The following IFI44 variants were observed in gnomAD, a reference collection of about 807,000 sequenced individuals.
The protein encoded by IFI44 is interferon-induced protein 44.
In IFI44, 42 loss-of-function variants were observed where a neutral mutation model predicts 45.0. That is an observed-to-expected ratio of 0.93 (90% CI 0.73 to 1.21). The LOEUF (loss-of-function observed/expected upper bound fraction) is 1.21, where lower values mean the gene tolerates loss of function less well. Among genes scored for constraint, IFI44 ranks in the 50% most tolerant of loss-of-function variants. The pLI is 0.00. For synonymous variants in IFI44, 221 were observed against 188.6 expected (o/e 1.17, Z -1.41); for missense variants, 623 against 525.8 (o/e 1.18, Z -1.81).
chr1:78,659,019 C>T (rs112200023), intron 5 of IFI44, among the ~76,000 whole-genome samples: 1 of 151,912 alleles, frequency 6.6e-6, no homozygotes, highest in Non-Finnish European at 1.5e-5. Context: ...CAGATTGCCT[C>T]TCTTATCTAG....
intron 2 of IFI44, among the ~76,000 whole-genome samples, chr1:78,654,027 A>G (rs898924750): frequency 6.6e-6 from 1 of 152,200 alleles, no homozygotes; most frequent in Non-Finnish European, 1.5e-5. Context: ...CAGAGGGTCT[A>G]CTTACCTCTA....
Position 78,655,131 on chromosome 1 carries a change from C to T in IFI44, c.612C>T (p.Asn204=). The T allele has an allele frequency of 6.2e-7, 1 of 1,613,946 alleles. No homozygotes were observed. The highest frequency in any genetic ancestry group is 8.5e-7 in the Non-Finnish European group (1 of 1,179,888). ...GAGCTGGGAAGTCCAGCTTTTTCAA[C>T]TCAGTGAGGTCTGTTTTCCAAGGGC... The part of the protein sequence containing the change: ...PIGAGKSSFF[N]SVRSVFQGHV... Residue 204 remains asparagine, a synonymous_variant, in exon 4 of 9, where the codon AAC becomes AAT. Coordinates refer to ENST00000370747, the MANE Select transcript of IFI44 (RefSeq NM_006417.5).
At chr1:78,662,275 C>T (rs1045055965) in intron 7 of IFI44, among the ~76,000 whole-genome samples, 20 of 152,278 alleles carry the variant, frequency 1.3e-4, no homozygotes, top group African/African-American at 3.8e-4. Context: ...ACAGAGTAAA[C>T]ATCTGCCAAC....
At chr1:78,663,051 CT>C in intron 8 of IFI44, 173 bp downstream of exon 8, 1 of 1,465,278 alleles carries the variant, frequency 6.8e-7, no homozygotes, top group Non-Finnish European at 9.0e-7. Flanking sequence ...GCATTTCCCT[CT>C]TTTCCTGGAG....
Position 78,650,186 on chromosome 1 carries a change from A to G in IFI44, c.-10A>G, listed in dbSNP as rs1647097983. On this transcript the variant is annotated splice_region_variant and 5_prime_UTR_variant, in exon 2 of 9. Coordinates refer to ENST00000370747, the MANE Select transcript of IFI44 (RefSeq NM_006417.5). ...GAAAATATATATGATTTGCCACTAG[A>G]TCAAGAAGTATGGCAGTGACAACTC... The G allele has an allele frequency of 6.3e-7, 1 of 1,584,712 alleles. No individual in the cohort carries two copies. Among genetic ancestry groups the G allele is most frequent in the Non-Finnish European group, 8.6e-7 (1 of 1,160,676 alleles).
At position 78,663,762 on chromosome 1, in the gene IFI44, C is replaced by A; in HGVS notation, c.1289-3C>A. On this transcript the variant is annotated splice_polypyrimidine_tract_variant and splice_region_variant and intron_variant, in intron 8 of 8. Transcript: ENST00000370747. ...TAAGAATATTTTGTGTTTCTTTTCTCAGGGAATCTAAGGGAGGAAATTATC... is the reference window on the plus strand; with the variant it reads ...TAAGAATATTTTGTGTTTCTTTTCTAAGGGAATCTAAGGGAGGAAATTATC... The A allele has an allele frequency of 1.2e-6, 2 of 1,611,340 alleles. No individual in the cohort carries two copies. Among genetic ancestry groups the A allele is most frequent in the South Asian group, 1.1e-5 (1 of 90,608 alleles).
At chr1:78,663,324 C>T (rs888752513) in intron 8 of IFI44, 1 of 985,046 alleles carries the variant, frequency 1.0e-6, no homozygotes, top group African/African-American at 1.7e-5. Context: ...TTGTTTCTTT[C>T]CTTCATCTTA....
intron 2 of IFI44, among the ~76,000 whole-genome samples, chr1:78,650,887 A>G (rs1647113570): frequency 6.6e-6 from 1 of 152,240 alleles, no homozygotes; most frequent in African/African-American, 2.4e-5. Context: ...TAAGTACAGT[A>G]AATCTTCTGT....
chr1:78,654,316 A>G, intron 3 of IFI44, 37 bp downstream of exon 3: 2 of 1,106,238 alleles, frequency 1.8e-6, no homozygotes, highest in Non-Finnish European at 2.8e-6. Flanking sequence ...TACTCTCTTC[A>G]TTATCTTTGA....
In IFI44 at chr1:78,663,897, T is replaced by G; in HGVS notation, c.*86T>G. On this transcript the variant is annotated 3_prime_UTR_variant, in exon 9 of 9. Transcript: ENST00000370747. ...AAAACACAGACCAAAGAGAAGTATC[T>G]AAGACCAAAGGGATGTGTTTTATTA... 7.7e-7 allele frequency: 1 copy of G among 1,301,770 alleles called. No homozygotes were observed. Among genetic ancestry groups the G allele is most frequent in the Non-Finnish European group, 1.1e-6 (1 of 934,788 alleles). The allele number at this position is 1,301,770 out of a possible 1,614,324, so 80.6% of individuals were successfully genotyped here. A position where few individuals can be genotyped will look rare whatever the true frequency, so the allele number is the denominator to read the frequency against.
intron 8 of IFI44, 64 bp from the exon 9 acceptor site, chr1:78,663,701 C>T: frequency 1.3e-6 from 2 of 1,590,578 alleles, no homozygotes; most frequent in South Asian, 1.1e-5. Flanking sequence ...TCCAATATTC[C>T]TCTTCCCTCT....
chr1:78,650,324 A>ATGT lies in IFI44; in HGVS notation c.133_135dup (p.Cys45dup), dbSNP rs1647101671. 1 of 1,614,078 alleles carries ATGT rather than the reference A, an allele frequency of 6.2e-7. No homozygotes were observed. Among genetic ancestry groups the ATGT allele is most frequent in the Admixed American group, 1.7e-5 (1 of 60,024 alleles). ...TCCGTAATGGAGTTTTGCTTGACAG[A>ATGT]TGTTGTAATCAAGGGCCTACTCTAA... On this transcript the variant is annotated inframe_insertion, in exon 2 of 9. Transcript: ENST00000370747.
intron 7 of IFI44, chr1:78,662,481 T>A: frequency 4.1e-6 from 2 of 482,088 alleles, no homozygotes; most frequent in South Asian, 5.8e-5. Context: ...TGTTTCTAAA[T>A]CATTTAGAAT....
At chr1:78,660,414 G>C (rs116133155) in intron 6 of IFI44, 140 bp from the exon 7 acceptor site, 200 of 604,184 alleles carry the variant, frequency 3.3e-4, no homozygotes, top group African/African-American at 3.3e-3. Context: ...GTTTTTTGGG[G>C]AGATGAGGGT....
Position 78,655,464 on chromosome 1 carries a change from G to A in IFI44, c.793G>A (p.Asp265Asn), listed in dbSNP as rs1439745907. 6.2e-7 allele frequency: 1 copy of A among 1,613,812 alleles called. No homozygotes were observed. The highest frequency in any genetic ancestry group is 1.1e-5 in the South Asian group (1 of 91,056). The change falls in exon 5 of 9, where the codon GAT (aspartate) becomes AAT (asparagine). Residue 265 changes from aspartate (D) to asparagine (N), a missense_variant. By Grantham distance (23) the Asp-to-Asn change is conservative. Coordinates refer to ENST00000370747, the MANE Select transcript of IFI44 (RefSeq NM_006417.5). ...TGAGAAAGAAGGCGGCCTGTGCAGG[G>A]ATGACATATTCTATATCTTGAACGG... ...LSEKEGGLCR[D>N]DIFYILNGNI...
At chr1:78,655,628 A>ATT in intron 5 of IFI44, 117 bp downstream of exon 5, 5 of 908,458 alleles carry the variant, frequency 5.5e-6, no homozygotes, top group Non-Finnish European at 6.3e-6. Flanking sequence ...TCTCTTTTAG[A>ATT]TTTTTTTTTT....
chr1:78,663,282 C>T, intron 8 of IFI44: 2 of 985,262 alleles, frequency 2.0e-6, no homozygotes, highest in Non-Finnish European at 2.4e-6. Context: ...TCCTTAGGAC[C>T]TTACACTCCT....
intron 6 of IFI44, among the ~76,000 whole-genome samples, chr1:78,659,689 C>A (rs1282791180): frequency 6.6e-6 from 1 of 152,194 alleles, no homozygotes; most frequent in Non-Finnish European, 1.5e-5. Flanking sequence ...TGCCTCAATT[C>A]TCTAATCAAT....
intron 6 of IFI44, among the ~76,000 whole-genome samples, chr1:78,659,780 A>T (rs568195134): frequency 6.6e-6 from 1 of 152,350 alleles, no homozygotes; most frequent in African/African-American, 2.4e-5. Flanking sequence ...GAAGGGTAGT[A>T]CAATCTGAAC....
Sources: allele counts gnomAD v4.1 joint callset (sites outside exome capture counted in the v4.1 genomes callset), GRCh38; gene constraint gnomAD v4.1.1; transcripts MANE v1.5; gene names NCBI Gene and HGNC (gene_info 2026-07-23, HGNC 2026-07-21).